Variants in PCDHA7 observed in about 807,000 individuals in gnomAD.
The protein encoded by PCDHA7 is protocadherin alpha-7.
A neutral mutation model predicts 57.2 loss-of-function variants in PCDHA7; 37 were observed. The ratio of observed to expected loss-of-function variants is 0.65; its 90% CI spans 0.50 to 0.85. The LOEUF (loss-of-function observed/expected upper bound fraction) is 0.85, where lower values mean the gene tolerates loss of function less well. Ranked by LOEUF, PCDHA7 falls within the 40% of genes least tolerant of loss-of-function variation. PCDHA7 has a pLI of 0.00. For synonymous variants in PCDHA7, 553 were observed against 558.8 expected (o/e 0.99, Z 0.15); for missense variants, 1,188 against 1,241.8 (o/e 0.96, Z 0.65).
intron 1 of PCDHA7, chr5:140,870,333 C>T (rs564033882): frequency 1.2e-6 from 2 of 1,614,164 alleles, no homozygotes; most frequent in South Asian, 2.2e-5. Flanking sequence ...TGCTGGACAG[C>T]GCCCTGGACC....
chr5:140,965,031 T>C (rs1211247687), intron 1 of PCDHA7, among the ~76,000 whole-genome samples: 3 of 152,208 alleles, frequency 2.0e-5, no homozygotes, highest in African/African-American at 7.2e-5. Flanking sequence ...CTCCTTTAAC[T>C]GTCCGCTCTA....
intron 1 of PCDHA7, among the ~76,000 whole-genome samples, chr5:140,922,237 G>A (rs2080732766): frequency 6.6e-6 from 1 of 152,156 alleles, no homozygotes; most frequent in Non-Finnish European, 1.5e-5. Flanking sequence ...ACCATGATGT[G>A]TATGAAGATA....
intron 1 of PCDHA7, chr5:140,967,413 A>C: frequency 6.2e-7 from 1 of 1,613,218 alleles, no homozygotes; most frequent in Non-Finnish European, 8.5e-7. Context: ...AAGGGCCTAG[A>C]CCGGGAGCAG....
intron 1 of PCDHA7, chr5:140,876,058 C>A (rs781906188): frequency 1.2e-6 from 2 of 1,613,750 alleles, no homozygotes; most frequent in African/African-American, 1.3e-5. Flanking sequence ...TGAATTAGTT[C>A]TTCGGAAGTT....
At chr5:140,846,397 C>T (rs1477353546) in intron 1 of PCDHA7, among the ~76,000 whole-genome samples, 11 of 101,188 alleles carry the variant, frequency 1.1e-4, no homozygotes, top group Non-Finnish European at 1.7e-4. Context: ...TTTTTTGAGA[C>T]GGAGTCTCGC....
intron 1 of PCDHA7, chr5:140,927,487 C>T: frequency 1.2e-6 from 2 of 1,614,142 alleles, no homozygotes; most frequent in Non-Finnish European, 1.7e-6. Context: ...GCGCGCCACC[C>T]ACCTGCTGGT....
rs2150347171 is a variant in PCDHA7, at chr5:140,842,877, C to T, written c.2355+6139C>T. On this transcript the variant is annotated intron_variant, in intron 1 of 3. Coordinates refer to ENST00000525929, the MANE Select transcript of PCDHA7 (RefSeq NM_018910.3). Reference sequence around the variant, plus strand: ...CACACGGAGAGCGGCAAGGTGTACGCGCTGCAGCCGCTGGACCACGAGGAG... The same window carrying T: ...CACACGGAGAGCGGCAAGGTGTACGTGCTGCAGCCGCTGGACCACGAGGAG... 18 of 1,593,980 alleles carry T rather than the reference C, an allele frequency of 1.1e-5. 2 individuals carry two copies. Among genetic ancestry groups the T allele is most frequent in the Non-Finnish European group, 1.5e-5 (18 of 1,165,432 alleles).
At chr5:140,837,881 G>T (rs1360398902) in intron 1 of PCDHA7, among the ~76,000 whole-genome samples, 2 of 151,490 alleles carry the variant, frequency 1.3e-5, no homozygotes, top group Admixed American at 6.6e-5. Flanking sequence ...GTGGAGTCTT[G>T]TTTCCCAGGC....
intron 1 of PCDHA7, among the ~76,000 whole-genome samples, chr5:140,887,337 C>T (rs2153419784): frequency 6.6e-6 from 1 of 152,268 alleles, no homozygotes; most frequent in East Asian, 1.9e-4. Flanking sequence ...ACCTCGTGAT[C>T]CACCTGGCTC....
chr5:140,930,044 A>G (rs1416118719), intron 1 of PCDHA7: 1 of 152,194 alleles, frequency 6.6e-6, no homozygotes, highest in African/African-American at 2.4e-5. Context: ...ACTGCTTTGG[A>G]GTTTTTGCTT....
chr5:140,869,793 C>A (rs782122541), intron 1 of PCDHA7: 44 of 1,612,682 alleles, frequency 2.7e-5, no homozygotes, highest in Non-Finnish European at 3.7e-5. Context: ...GGCTGTTAGT[C>A]CAAGTCTTGG....
chr5:140,857,869 G>T (rs782395924), intron 1 of PCDHA7: 3 of 1,597,830 alleles, frequency 1.9e-6, no homozygotes, highest in Admixed American at 1.7e-5. Flanking sequence ...CGTGGCTGTC[G>T]TATGAATTGC....
Position 141,009,950 on chromosome 5 carries a change from G to C in PCDHA7, c.*13G>C, listed in dbSNP as rs782235440. On this transcript the variant is annotated 3_prime_UTR_variant, in exon 4 of 4. Coordinates refer to ENST00000525929, the MANE Select transcript of PCDHA7 (RefSeq NM_018910.3). ...CAGTGACCAGTGAGGTCCTCAAATGGAAACAAGCCACTTAGCCAGTTTTTG... is the reference window on the plus strand; with the variant it reads ...CAGTGACCAGTGAGGTCCTCAAATGCAAACAAGCCACTTAGCCAGTTTTTG... 12 of 1,593,098 alleles carry C rather than the reference G, an allele frequency of 7.5e-6. No individual in the cohort carries two copies. In the East Asian group the frequency reaches 2.5e-4, roughly 33 times the overall value.
At chr5:140,941,424 C>A (rs909959554) in intron 1 of PCDHA7, among the ~76,000 whole-genome samples, 2 of 148,790 alleles carry the variant, frequency 1.3e-5, no homozygotes, top group African/African-American at 5.0e-5. Flanking sequence ...TCAAGCAATT[C>A]TCTGCCTCAG....
chr5:140,848,527 G>T lies in PCDHA7; in HGVS notation c.2355+11789G>T, dbSNP rs1379026024. The T allele has an allele frequency of 1.3e-6, 2 of 1,594,382 alleles. 1 individual carries two copies. Among genetic ancestry groups the T allele is most frequent in the Non-Finnish European group, 1.7e-6 (2 of 1,164,866 alleles). On this transcript the variant is annotated intron_variant, in intron 1 of 3. Transcript: ENST00000525929. ...TACTCAAGTCGAGGAGATCCAGAGG[G>T]TCAGCCTCTACTGCTCTCGCTTCTG...
chr5:140,926,812 G>T (rs908940607), intron 1 of PCDHA7: 28 of 1,458,972 alleles, frequency 1.9e-5, no homozygotes, highest in African/African-American at 2.8e-5. Flanking sequence ...CCCGCGGCTC[G>T]TGCTCTCCAG....
intron 3 of PCDHA7, among the ~76,000 whole-genome samples, chr5:140,989,192 C>A (rs1458235302): frequency 6.6e-6 from 1 of 152,192 alleles, no homozygotes; most frequent in African/African-American, 2.4e-5. Context: ...GAATTACCCT[C>A]CCTTCTAGCT....
At position 140,897,557 on chromosome 5, in the gene PCDHA7, A is replaced by G. The variant is rs2066188249; in HGVS notation, c.2355+60819A>G. Reference sequence around the variant, plus strand: ...GGCTGCATAGTCTTCCATGGTGTATATGTGCCACATTTTCTTAATCCAGTC... The same window carrying G: ...GGCTGCATAGTCTTCCATGGTGTATGTGTGCCACATTTTCTTAATCCAGTC... On this transcript the variant is annotated intron_variant, in intron 1 of 3. Coordinates refer to ENST00000525929, the MANE Select transcript of PCDHA7 (RefSeq NM_018910.3). Among the ~76,000 whole-genome samples, 4 of 151,994 alleles carry G rather than the reference A, an allele frequency of 2.6e-5. No individual in the cohort carries two copies. The South Asian group carries it at 8.3e-4, about 32-fold the overall frequency.
Position 140,836,379 on chromosome 5 carries a change from C to T in PCDHA7, c.1996C>T (p.Leu666=), listed in dbSNP as rs2150259226. 6.2e-7 allele frequency: 1 copy of T among 1,613,734 alleles called. No homozygotes were observed. Among genetic ancestry groups the T allele is most frequent in the Non-Finnish European group, 8.5e-7 (1 of 1,179,846 alleles). ...CTCGCTGACAGCCACAGCCACCGTG[C>T]TGGTGTCGCTGGTGGAAAGCGGCCA... ...EPSLTATATV[L]VSLVESGQAP... is the part of the protein sequence containing the mutation. The change falls in exon 1 of 4, where the codon CTG becomes TTG. Residue 666 remains leucine (L), a synonymous_variant. Coordinates refer to ENST00000525929, the MANE Select transcript of PCDHA7 (RefSeq NM_018910.3).
Sources: allele counts gnomAD v4.1 joint callset (sites outside exome capture counted in the v4.1 genomes callset), GRCh38; gene constraint gnomAD v4.1.1; transcripts MANE v1.5; gene names NCBI Gene and HGNC (gene_info 2026-07-23, HGNC 2026-07-21).